TAB1: variants seen among roughly 807,000 people sequenced by gnomAD.
TAB1 encodes TGF-beta-activated kinase 1 and MAP3K7-binding protein 1.
A neutral mutation model predicts 54.5 loss-of-function variants in TAB1; 30 were observed. The ratio of observed to expected loss-of-function variants is 0.55; its 90% CI spans 0.41 to 0.75. The LOEUF (loss-of-function observed/expected upper bound fraction) is 0.75, where lower values mean the gene tolerates loss of function less well. TAB1 is among the 30% of genes least tolerant of loss of function. The probability of loss-of-function intolerance (pLI) is 0.00; values close to 1 mark genes in which losing one functional copy is unlikely to be tolerated. For missense variants in TAB1, 609 were observed against 683.2 expected (o/e 0.89, Z 1.21); for synonymous variants, 289 against 286.9 (o/e 1.01, Z -0.07).
downstream of TAB1, chr22:39,436,777 A>C (rs529935576): frequency 8.6e-6 from 5 of 582,280 alleles, no homozygotes; most frequent in South Asian, 1.0e-4. Context: ...GACCCAGCTC[A>C]CTCTCATCTT....
At chr22:39,436,079 G>A (rs1927772569), downstream of TAB1, among the ~76,000 whole-genome samples, 1 of 152,224 alleles carries the variant, frequency 6.6e-6, no homozygotes, top group African/African-American at 2.4e-5. Context: ...ATCACCTGAG[G>A]TCAGGAGTTT....
At chr22:39,400,929 A>C (rs1377602657) in intron 1 of TAB1, among the ~76,000 whole-genome samples, 1 of 147,060 alleles carries the variant, frequency 6.8e-6, no homozygotes, top group African/African-American at 2.5e-5. Flanking sequence ...ACTATTCGGG[A>C]GGCTGAGGCA....
At chr22:39,424,843 G>T (rs1927250143) in intron 8 of TAB1, among the ~76,000 whole-genome samples, 1 of 152,122 alleles carries the variant, frequency 6.6e-6, no homozygotes, top group Non-Finnish European at 1.5e-5. Context: ...GGTAGAGTAG[G>T]GAATTTGGGG....
chr22:39,411,848 A>G (rs1926619215), intron 1 of TAB1, among the ~76,000 whole-genome samples: 1 of 152,242 alleles, frequency 6.6e-6, no homozygotes, highest in African/African-American at 2.4e-5. Flanking sequence ...GGATGAATGG[A>G]TAAACAAACT....
intron 1 of TAB1, 48 bp downstream of exon 1, chr22:39,399,883 G>C (rs1926051411): frequency 6.4e-7 from 1 of 1,566,238 alleles, no homozygotes; most frequent in East Asian, 2.4e-5. Context: ...AGCCTGGGCG[G>C]GGGTGCTGTC....
At chr22:39,436,074 C>T (rs527770482), downstream of TAB1, among the ~76,000 whole-genome samples, 2 of 152,310 alleles carry the variant, frequency 1.3e-5, no homozygotes, top group South Asian at 4.1e-4. Context: ...GGTGGATCAC[C>T]TGAGGTCAGG....
At chr22:39,401,367 C>A (rs777570440) in intron 1 of TAB1, among the ~76,000 whole-genome samples, 6 of 152,226 alleles carry the variant, frequency 3.9e-5, no homozygotes, top group Non-Finnish European at 5.9e-5. Flanking sequence ...GCACGTCTGT[C>A]TTGTTACCGA....
chr22:39,430,475 C>G lies in TAB1; in HGVS notation c.*253C>G. On this transcript the variant is annotated 3_prime_UTR_variant, in exon 11 of 11. Transcript: ENST00000216160. The stretch of plus-strand genomic sequence containing the variant: ...GCCTCAGCCAGGACCATCGCCCTTT[C>G]TCAGAGCAGAGGGCCAGGTATAGAA... The G allele has an allele frequency of 7.2e-7, 1 of 1,384,584 alleles. No homozygotes were observed. Among genetic ancestry groups the G allele is most frequent in the Non-Finnish European group, 9.4e-7 (1 of 1,066,524 alleles). The allele number at this position is 1,384,584 out of a possible 1,614,324, so 85.8% of individuals were successfully genotyped here. A position where few individuals can be genotyped will look rare whatever the true frequency, so the allele number is the denominator to read the frequency against.
intron 4 of TAB1, among the ~76,000 whole-genome samples, chr22:39,417,210 G>A (rs1359327172): frequency 6.6e-6 from 1 of 152,204 alleles, no homozygotes; most frequent in Non-Finnish European, 1.5e-5. Context: ...CTGTGAGTTC[G>A]GTCATCTCCA....
At position 39,430,170 on chromosome 22, in the gene TAB1, A is replaced by G. The variant is rs199598003; in HGVS notation, c.1463A>G (p.Tyr488Cys). Residue 488 changes from tyrosine to cysteine, a missense_variant, in exon 11 of 11, where the codon TAC (tyrosine) becomes TGC (cysteine). Transcript: ENST00000216160. ...VEPYVDFAEF[Y>C]RLWSVDHGEQ... ...CCCTATGTGGACTTTGCTGAGTTTTACCGCCTCTGGAGCGTGGACCATGGC... is the reference window on the plus strand; with the variant it reads ...CCCTATGTGGACTTTGCTGAGTTTTGCCGCCTCTGGAGCGTGGACCATGGC... The G allele has an allele frequency of 6.2e-7, 1 of 1,613,836 alleles. No homozygotes were observed. The highest frequency in any genetic ancestry group is 2.2e-5 in the East Asian group (1 of 44,876).
At chr22:39,420,880 CTCTGTGTGTGTGTGTG>C (rs1236816857) in intron 7 of TAB1, among the ~76,000 whole-genome samples, 1 of 93,024 alleles carries the variant, frequency 1.1e-5, no homozygotes, top group African/African-American at 6.1e-5. Flanking sequence ...GGGTGTCTCT[CTCTGTGTGTGTGTGTG>C]TGTGTGTGTG....
intron 10 of TAB1, chr22:39,429,447 G>A: frequency 1.2e-6 from 1 of 805,556 alleles, no homozygotes; most frequent in Non-Finnish European, 1.5e-6. Context: ...AGCCACTTGT[G>A]GCTATTAGAC....
intron 9 of TAB1, among the ~76,000 whole-genome samples, chr22:39,427,806 C>T (rs1420437170): frequency 6.6e-6 from 1 of 152,200 alleles, no homozygotes; most frequent in Non-Finnish European, 1.5e-5. Flanking sequence ...ATAAGGAGTT[C>T]TCAGCCCGGC....
downstream of TAB1, chr22:39,436,493 C>T (rs377422217): frequency 1.8e-5 from 29 of 1,613,172 alleles, no homozygotes; most frequent in African/African-American, 3.2e-4. Flanking sequence ...TTTTCAGAGA[C>T]CCTTCCAGGC....
intron 1 of TAB1, among the ~76,000 whole-genome samples, chr22:39,405,544 C>T (rs939995989): frequency 9.1e-4 from 139 of 152,090 alleles, no homozygotes; most frequent in African/African-American, 3.2e-3. Context: ...TGCGCTCCAG[C>T]GCCGCTCACG....
chr22:39,410,871 C>T (rs1416201896), intron 1 of TAB1, among the ~76,000 whole-genome samples: 1 of 152,000 alleles, frequency 6.6e-6, no homozygotes, highest in African/African-American at 2.4e-5. Context: ...TATGAAAAGG[C>T]AAAGGAACTC....
chr22:39,431,458 C>T lies in TAB1; in HGVS notation c.*1236C>T, dbSNP rs1336174651. 2.0e-6 allele frequency: 2 copies of T among 985,692 alleles called. No individual in the cohort carries two copies. The highest frequency in any genetic ancestry group is 2.4e-6 in the Non-Finnish European group (2 of 830,180). The allele number at this position is 985,692 out of a possible 1,614,324, so 61.1% of individuals were successfully genotyped here. The stretch of plus-strand genomic sequence containing the variant: ...CCCCCCGGATTCTCCACGCCCTCCC[C>T]ATCTCCCAGTCTCCCTGCCCCCCAT... On this transcript the variant is annotated 3_prime_UTR_variant, in exon 11 of 11. Transcript: ENST00000216160.
intron 1 of TAB1, among the ~76,000 whole-genome samples, chr22:39,403,819 T>G (rs1046802687): frequency 1.3e-5 from 2 of 151,998 alleles, no homozygotes; most frequent in African/African-American, 4.8e-5. Context: ...TTTGTATTTT[T>G]TTTTTTAGTA....
At chr22:39,413,200 C>T (rs781352016) in intron 1 of TAB1, among the ~76,000 whole-genome samples, 11 of 152,036 alleles carry the variant, frequency 7.2e-5, no homozygotes, top group Non-Finnish European at 1.2e-4. Context: ...AGGCTTGAGC[C>T]ACCGCGCCCG....
Sources: gnomAD v4.1 joint callset for allele counts (sites outside exome capture counted in the v4.1 genomes callset) on GRCh38, gnomAD v4.1.1 for gene constraint, MANE v1.5 for transcripts, NCBI Gene and HGNC (gene_info 2026-07-23, HGNC 2026-07-21) for gene names.